The following LOC128092253 variants were observed in gnomAD, a reference collection of about 807,000 sequenced individuals.
At chr6:133,956,335 G>C in the LOC128092253 span, among the ~76,000 whole-genome samples, 1 of 152,172 alleles carries the variant, frequency 6.6e-6, no homozygotes, top group African/African-American at 2.4e-5. Context: ...TGTATGTCTG[G>C]TGCCGTGTCA....
chr6:133,958,447 C>T, the LOC128092253 span, among the ~76,000 whole-genome samples: 1 of 152,084 alleles, frequency 6.6e-6, no homozygotes, highest in South Asian at 2.1e-4. Context: ...CCCAGTAATT[C>T]AGGTGGCTCA....
chr6:133,958,540 A>C, the LOC128092253 span, among the ~76,000 whole-genome samples: 1 of 152,216 alleles, frequency 6.6e-6, no homozygotes, highest in Admixed American at 6.5e-5. Flanking sequence ...CAGGAAAATA[A>C]TTTGATAATT....
the LOC128092253 span, among the ~76,000 whole-genome samples, chr6:133,960,034 T>C: frequency 6.6e-6 from 1 of 152,204 alleles, no homozygotes; most frequent in Non-Finnish European, 1.5e-5. Flanking sequence ...GCAAGCGTTT[T>C]TCCTCTCACC....
At chr6:133,971,507 C>T in the LOC128092253 span, among the ~76,000 whole-genome samples, 2 of 152,042 alleles carry the variant, frequency 1.3e-5, no homozygotes, top group Non-Finnish European at 2.9e-5. Flanking sequence ...TCTATAATGG[C>T]TATGTGAGTT....
chr6:133,977,170 C>A, the LOC128092253 span, among the ~76,000 whole-genome samples: 2 of 151,952 alleles, frequency 1.3e-5, no homozygotes, highest in African/African-American at 4.8e-5. Context: ...AAAATGTGAT[C>A]TTTTATGTAG....
At chr6:133,961,153 A>C in the LOC128092253 span, among the ~76,000 whole-genome samples, 1 of 152,202 alleles carries the variant, frequency 6.6e-6, no homozygotes, top group Admixed American at 6.5e-5. Flanking sequence ...CGTGAAAGAT[A>C]TCTACTGTTT....
At chr6:133,962,531 A>G in the LOC128092253 span, among the ~76,000 whole-genome samples, 34 of 152,348 alleles carry the variant, frequency 2.2e-4, no homozygotes, top group Middle Eastern at 3.4e-3. Flanking sequence ...ACAGAATTAC[A>G]AGGAGATAGA....
At chr6:133,965,554 A>G in the LOC128092253 span, among the ~76,000 whole-genome samples, 1 of 151,386 alleles carries the variant, frequency 6.6e-6, no homozygotes, top group African/African-American at 2.4e-5. Flanking sequence ...AAAGAACCCC[A>G]TGATCAACAA....
chr6:133,967,103 T>C, the LOC128092253 span, among the ~76,000 whole-genome samples: 1 of 152,254 alleles, frequency 6.6e-6, no homozygotes, highest in Admixed American at 6.5e-5. Context: ...CCATGCTGAT[T>C]CTTCCTTCAG....
the LOC128092253 span, among the ~76,000 whole-genome samples, chr6:133,959,380 A>G: frequency 1.3e-5 from 2 of 152,138 alleles, no homozygotes; most frequent in African/African-American, 2.4e-5. Flanking sequence ...ACAGGTTGCC[A>G]TGGTATCAGT....
chr6:133,970,421 A>AT, the LOC128092253 span, among the ~76,000 whole-genome samples: 1 of 152,212 alleles, frequency 6.6e-6, no homozygotes, highest in East Asian at 1.9e-4. Context: ...GTTTATGTGT[A>AT]TATGTGTTTG....
the LOC128092253 span, among the ~76,000 whole-genome samples, chr6:133,970,361 A>G: frequency 2.7e-4 from 41 of 152,322 alleles, no homozygotes; most frequent in East Asian, 5.8e-4. Flanking sequence ...AGATATTTCA[A>G]TAGCAAAGGC....
chr6:133,968,704 G>A, the LOC128092253 span, among the ~76,000 whole-genome samples: 8 of 152,062 alleles, frequency 5.3e-5, no homozygotes, highest in Non-Finnish European at 7.4e-5. Flanking sequence ...GATGGAGTCC[G>A]CTCTCGCCCA....
chr6:133,966,088 C>CAG, the LOC128092253 span, among the ~76,000 whole-genome samples: 6 of 151,990 alleles, frequency 3.9e-5, no homozygotes, highest in African/African-American at 1.4e-4. Flanking sequence ...CAGAAAGAAA[C>CAG]AGAGAGAGAG....
the LOC128092253 span, among the ~76,000 whole-genome samples, chr6:133,974,917 G>A: frequency 2.0e-4 from 31 of 152,268 alleles, no homozygotes; most frequent in African/African-American, 6.3e-4. Flanking sequence ...TTAGAATTAA[G>A]GGATAATGAA....
the LOC128092253 span, among the ~76,000 whole-genome samples, chr6:133,964,711 G>A: frequency 6.6e-6 from 1 of 152,134 alleles, no homozygotes; most frequent in Non-Finnish European, 1.5e-5. Flanking sequence ...GCTTCCCAAA[G>A]TGCTGGGATT....
the LOC128092253 span, among the ~76,000 whole-genome samples, chr6:133,970,401 T>C: frequency 6.6e-6 from 1 of 152,204 alleles, no homozygotes; most frequent in South Asian, 2.1e-4. Flanking sequence ...GACATTCTTA[T>C]CTAACCTAAG....
chr6:133,977,014 G>A, the LOC128092253 span, among the ~76,000 whole-genome samples: 494 of 151,300 alleles, frequency 3.3e-3, 1 homozygote, highest in African/African-American at 0.01. Context: ...TGTCTGTTTC[G>A]TTGGACTGTC....
chr6:133,954,523 C>A, the LOC128092253 span, among the ~76,000 whole-genome samples: 1 of 152,296 alleles, frequency 6.6e-6, no homozygotes, highest in East Asian at 1.9e-4. Flanking sequence ...GTTTATGTTA[C>A]CTCTTTAGTC....
Sources: allele counts gnomAD v4.1 joint callset (sites outside exome capture counted in the v4.1 genomes callset), GRCh38; gene constraint gnomAD v4.1.1; transcripts MANE v1.5.